Variants in BABAM2 observed in about 807,000 individuals in gnomAD.
BABAM2 encodes BRISC and BRCA1-A complex member 2.
Under a neutral mutation model 54.7 loss-of-function variants are expected in BABAM2, and 31 were observed. The observed-to-expected ratio is 0.57, with a 90% CI of 0.43 to 0.77. BABAM2 has a LOEUF of 0.77. Among genes scored for constraint, BABAM2 ranks in the 30% least tolerant of loss-of-function variants. The pLI is 0.00. For missense variants in BABAM2, 364 were observed against 455.8 expected (o/e 0.80, Z 1.83); for synonymous variants, 167 against 162.9 (o/e 1.03, Z -0.19).
At chr2:28,258,087 G>A (rs1684120870) in intron 10 of BABAM2, among the ~76,000 whole-genome samples, 1 of 152,140 alleles carries the variant, frequency 6.6e-6, no homozygotes, top group South Asian at 2.1e-4. Context: ...TGAGGCAGGA[G>A]AAACGCTTGA....
chr2:28,213,943 C>CT (rs1679700791), intron 7 of BABAM2, among the ~76,000 whole-genome samples: 1 of 56,570 alleles, frequency 1.8e-5, no homozygotes, highest in Non-Finnish European at 4.3e-5. Flanking sequence ...CTTTAACTTG[C>CT]TTTAAAAAAA....
At chr2:28,083,370 T>C (rs1190931496) in intron 6 of BABAM2, among the ~76,000 whole-genome samples, 5 of 152,210 alleles carry the variant, frequency 3.3e-5, no homozygotes, top group Non-Finnish European at 7.3e-5. Flanking sequence ...AGTCACTGCA[T>C]GCTTTCCCGC....
At chr2:28,265,423 T>G (rs1412875254) in intron 10 of BABAM2, among the ~76,000 whole-genome samples, 1 of 152,090 alleles carries the variant, frequency 6.6e-6, no homozygotes, top group Admixed American at 6.5e-5. Context: ...CGAGACTCTG[T>G]CTCAAAATAA....
intron 6 of BABAM2, among the ~76,000 whole-genome samples, chr2:28,060,681 C>T (rs913474006): frequency 3.9e-5 from 6 of 152,124 alleles, no homozygotes; most frequent in African/African-American, 1.4e-4. Context: ...AATTATATTT[C>T]TATAGGCTAA....
chr2:28,217,732 C>T (rs943421109), intron 7 of BABAM2, among the ~76,000 whole-genome samples: 2 of 152,130 alleles, frequency 1.3e-5, no homozygotes, highest in African/African-American at 4.8e-5. Context: ...GGGATGCTGA[C>T]TTTCCTACTA....
chr2:28,277,947 T>C lies in BABAM2; in HGVS notation c.935-20391T>C, dbSNP rs557184459. The stretch of plus-strand genomic sequence containing the variant: ...CCCCCTCAGAAGGGTTTTACACATA[T>C]GTCCTAGAGCTCAGTCTTGGAAGTG... On this transcript the variant is annotated intron_variant, in intron 10 of 11. Coordinates refer to ENST00000379624, the MANE Select transcript of BABAM2 (RefSeq NM_199191.3). 1.4e-3 allele frequency among the ~76,000 whole-genome samples: 207 copies of C among 152,346 alleles called. 2 individuals carry two copies. Among genetic ancestry groups the C allele is most frequent in the African/African-American group, 4.7e-3 (195 of 41,578 alleles).
chr2:28,298,190 C>T (rs4665408), intron 10 of BABAM2, 148 bp from the exon 11 acceptor site: 415,137 of 805,304 alleles, frequency 0.52, 108,472 homozygotes, highest in Admixed American at 0.61. Context: ...CTTGGTGCCT[C>T]TCTATACACC....
At chr2:28,230,453 C>T (rs750100021) in intron 7 of BABAM2, among the ~76,000 whole-genome samples, 4 of 151,694 alleles carry the variant, frequency 2.6e-5, no homozygotes, top group Non-Finnish European at 5.9e-5. Flanking sequence ...TGATGGCTCA[C>T]GCCTGTAAAC....
At chr2:28,084,518 G>A (rs1185347702) in intron 6 of BABAM2, among the ~76,000 whole-genome samples, 2 of 152,114 alleles carry the variant, frequency 1.3e-5, no homozygotes, top group Non-Finnish European at 2.9e-5. Flanking sequence ...TCTTTTCTAG[G>A]GTTATGGGTA....
At chr2:27,937,264 G>A (rs1668553431) in intron 3 of BABAM2, among the ~76,000 whole-genome samples, 4 of 152,146 alleles carry the variant, frequency 2.6e-5, no homozygotes, top group Admixed American at 2.6e-4. Flanking sequence ...ACAAAAGTCT[G>A]TAAATGTTCA....
At chr2:28,230,681 G>A (rs529752747) in intron 7 of BABAM2, among the ~76,000 whole-genome samples, 2 of 146,228 alleles carry the variant, frequency 1.4e-5, no homozygotes, top group South Asian at 2.2e-4. Context: ...CCGTGATCAC[G>A]CCACCACACA....
intron 6 of BABAM2, among the ~76,000 whole-genome samples, chr2:28,121,583 C>T (rs760857687): frequency 7.2e-5 from 11 of 152,082 alleles, no homozygotes; most frequent in Non-Finnish European, 1.5e-4. Context: ...TATCTTCAAT[C>T]TCTGTGAAGT....
chr2:27,904,982 A>T (rs976484422), intron 2 of BABAM2, among the ~76,000 whole-genome samples: 1 of 152,232 alleles, frequency 6.6e-6, no homozygotes, highest in Non-Finnish European at 1.5e-5. Flanking sequence ...GTTCTTCCAT[A>T]CTGCGTGCTT....
intron 7 of BABAM2, among the ~76,000 whole-genome samples, chr2:28,227,937 C>T (rs1403268088): frequency 1.3e-5 from 2 of 151,962 alleles, no homozygotes; most frequent in African/African-American, 4.8e-5. Context: ...CCAGATTATT[C>T]TTAAGCAAAT....
chr2:28,014,668 G>T (rs1296625705), intron 4 of BABAM2, among the ~76,000 whole-genome samples: 24 of 138,154 alleles, frequency 1.7e-4, no homozygotes, highest in Admixed American at 2.1e-4. Context: ...TATGAAGCTG[G>T]TTTTTTTTTT....
intron 3 of BABAM2, chr2:27,930,179 G>A (rs372227122): frequency 4.2e-5 from 14 of 334,236 alleles, no homozygotes; most frequent in East Asian, 1.9e-4. Context: ...CTCTATAGGC[G>A]GCTTTTACGT....
At chr2:27,989,582 G>T (rs957717442) in intron 4 of BABAM2, among the ~76,000 whole-genome samples, 1 of 152,104 alleles carries the variant, frequency 6.6e-6, no homozygotes, top group Non-Finnish European at 1.5e-5. Context: ...AAGACTGTGG[G>T]GCACATTGAA....
intron 2 of BABAM2, among the ~76,000 whole-genome samples, chr2:27,923,417 G>A (rs985378515): frequency 1.8e-4 from 27 of 151,816 alleles, no homozygotes; most frequent in African/African-American, 5.3e-4. Context: ...TCAGGAATTC[G>A]AGACCAGCCT....
intron 6 of BABAM2, among the ~76,000 whole-genome samples, chr2:28,049,350 C>CT (rs1055445201): frequency 1.3e-5 from 2 of 152,016 alleles, no homozygotes; most frequent in African/African-American, 2.4e-5. Flanking sequence ...TCAACATTAA[C>CT]TTTTTTTTGT....
Sources: allele counts gnomAD v4.1 joint callset (sites outside exome capture counted in the v4.1 genomes callset), GRCh38; gene constraint gnomAD v4.1.1; transcripts MANE v1.5; gene names NCBI Gene and HGNC (gene_info 2026-07-23, HGNC 2026-07-21).